The following PTPRF variants were observed in gnomAD, a reference collection of about 807,000 sequenced individuals.
PTPRF encodes the protein protein tyrosine phosphatase receptor type F.
PTPRF carries 59 observed loss-of-function variants against 201.8 expected under a neutral mutation model. The observed-to-expected ratio is 0.29, with a 90% CI of 0.24 to 0.36. The LOEUF (loss-of-function observed/expected upper bound fraction) is 0.36. PTPRF is among the 10% of genes least tolerant of loss of function. PTPRF has a pLI of 1.00. For synonymous variants in PTPRF, 1,088 were observed against 1,089.7 expected (o/e 1.00, Z 0.03); for missense variants, 2,132 against 2,690.5 (o/e 0.79, Z 4.59).
chr1:43,615,550 T>G (rs545737408), intron 23 of PTPRF, among the ~76,000 whole-genome samples: 31 of 121,584 alleles, frequency 2.5e-4, no homozygotes, highest in African/African-American at 7.3e-4. Context: ...AGCTCTGTTG[T>G]CTTTTTTTTT....
At position 43,549,558 on chromosome 1, in the gene PTPRF, T is replaced by C. The variant is rs564081096; in HGVS notation, c.92-3934T>C. ...ATAGTAGGTGCTCAAAAAATACTTG[T>C]TGAAAGAGTAAAGAAGCCGGGTGTG... On this transcript the variant is annotated intron_variant, in intron 3 of 33. Coordinates refer to ENST00000359947, the MANE Select transcript of PTPRF (RefSeq NM_002840.5). 3.0e-4 allele frequency among the ~76,000 whole-genome samples: 46 copies of C among 152,214 alleles called. No homozygotes were observed. The South Asian group carries it at 7.5e-3, about 25-fold the overall frequency.
intron 6 of PTPRF, among the ~76,000 whole-genome samples, chr1:43,577,425 C>G (rs1218792145): frequency 6.6e-6 from 1 of 152,208 alleles, no homozygotes; most frequent in African/African-American, 2.4e-5. Flanking sequence ...AAGAGGCAGG[C>G]TGGTCCTGTG....
At chr1:43,612,106 C>T (rs1434449447) in intron 22 of PTPRF, among the ~76,000 whole-genome samples, 2 of 152,170 alleles carry the variant, frequency 1.3e-5, no homozygotes, top group Non-Finnish European at 2.9e-5. Context: ...AGCAGGAGCG[C>T]AGTGTCCCTG....
At chr1:43,544,773 G>A (rs765402782) in intron 2 of PTPRF, among the ~76,000 whole-genome samples, 8 of 152,132 alleles carry the variant, frequency 5.3e-5, no homozygotes, top group Non-Finnish European at 1.2e-4. Context: ...AGAATGGCCC[G>A]AAGGCCTCCT....
chr1:43,578,104 G>T (rs771762815), intron 6 of PTPRF, among the ~76,000 whole-genome samples: 9 of 152,236 alleles, frequency 5.9e-5, no homozygotes, highest in Non-Finnish European at 1.3e-4. Context: ...TCCGTCTGCG[G>T]CCAGAGCAGC....
intron 6 of PTPRF, among the ~76,000 whole-genome samples, chr1:43,578,067 A>G (rs961191952): frequency 6.6e-6 from 1 of 151,850 alleles, no homozygotes; most frequent in Non-Finnish European, 1.5e-5. Context: ...TCCTTTTGCT[A>G]CCCACCCCGA....
chr1:43,575,435 T>C (rs1016177919), intron 6 of PTPRF, among the ~76,000 whole-genome samples: 1 of 152,180 alleles, frequency 6.6e-6, no homozygotes, highest in African/African-American at 2.4e-5. Flanking sequence ...CCCAGTGTGC[T>C]AGTAGCCCAT....
intron 31 of PTPRF, 118 bp from the exon 32 acceptor site, chr1:43,620,719 TG>T: frequency 6.6e-7 from 1 of 1,520,100 alleles, no homozygotes; most frequent in Non-Finnish European, 8.9e-7. Context: ...TCTCCCCCTG[TG>T]GCCTCGGGTG....
At chr1:43,536,755 G>T (rs548089780) in intron 1 of PTPRF, among the ~76,000 whole-genome samples, 8 of 152,352 alleles carry the variant, frequency 5.3e-5, no homozygotes, top group Middle Eastern at 3.4e-3. Context: ...TCAGCTTGGG[G>T]AGCGGGGAGG....
chr1:43,608,719 A>G (rs921343800), intron 21 of PTPRF, among the ~76,000 whole-genome samples: 1 of 152,228 alleles, frequency 6.6e-6, no homozygotes, highest in African/African-American at 2.4e-5. Context: ...GTGGAACAGC[A>G]GAGAGGCATG....
chr1:43,558,391 GC>G (rs1363317543), intron 5 of PTPRF, among the ~76,000 whole-genome samples: 3 of 152,048 alleles, frequency 2.0e-5, no homozygotes, highest in Non-Finnish European at 4.4e-5. Flanking sequence ...CCGTGGGAGT[GC>G]CCCCCCAAAT....
In PTPRF at chr1:43,606,973, G is replaced by A; in HGVS notation, c.3857+5G>A. The A allele has an allele frequency of 6.2e-7, 1 of 1,613,660 alleles. No homozygotes were observed. The highest frequency in any genetic ancestry group is 8.5e-7 in the Non-Finnish European group (1 of 1,179,892). ...CGCCATCCTCTTGTTCAAAAGGTGA[G>A]CACTGCCCTCAGAGCTCCGGGAACG... On this transcript the variant is annotated splice_donor_5th_base_variant and intron_variant, in intron 21 of 33. Transcript: ENST00000359947.
At chr1:43,600,323 T>G (rs1653434604) in intron 13 of PTPRF, among the ~76,000 whole-genome samples, 2 of 152,158 alleles carry the variant, frequency 1.3e-5, no homozygotes, top group Admixed American at 6.5e-5. Flanking sequence ...AAGTGCCCCC[T>G]TCTGGTCCCA....
In PTPRF at chr1:43,537,609, C is replaced by T. The variant is rs1644104019; in HGVS notation, c.-125-589C>T. Among the ~76,000 whole-genome samples, 1 of 152,220 alleles carries T rather than the reference C, an allele frequency of 6.6e-6. No homozygotes were observed. Among genetic ancestry groups the T allele is most frequent in the Non-Finnish European group, 1.5e-5 (1 of 68,042 alleles). ...ATATAAATAGTCATGTTTGTGGTCACGGCTCCAAGCCAAGGTCCAGGCAGG... is the reference window on the plus strand; with the variant it reads ...ATATAAATAGTCATGTTTGTGGTCATGGCTCCAAGCCAAGGTCCAGGCAGG... On this transcript the variant is annotated intron_variant, in intron 1 of 33. Coordinates refer to ENST00000359947, the MANE Select transcript of PTPRF (RefSeq NM_002840.5). This position sits in a 1 kb window ranked among gnomAD's most constrained non-coding sequence, Gnocchi z 4.8.
upstream of PTPRF, among the ~76,000 whole-genome samples, chr1:43,524,050 CAAAAAAAAA>C (rs57088994): frequency 5.0e-5 from 4 of 80,668 alleles, no homozygotes; most frequent in Admixed American, 1.7e-4. Context: ...GAGACTCTGT[CAAAAAAAAA>C]AAAAAAAAAA....
intron 23 of PTPRF, among the ~76,000 whole-genome samples, chr1:43,615,715 C>T (rs753919098): frequency 3.3e-5 from 5 of 151,792 alleles, no homozygotes; most frequent in East Asian, 3.9e-4. Context: ...TACAGGTGCC[C>T]GCTACCACAC....
intron 7 of PTPRF, among the ~76,000 whole-genome samples, chr1:43,582,897 G>A (rs968111748): frequency 3.9e-5 from 6 of 152,230 alleles, no homozygotes; most frequent in Non-Finnish European, 7.3e-5. Context: ...TGAGTGATGT[G>A]GTTCGTGTGC....
At position 43,622,862 on chromosome 1, in the gene PTPRF, A is replaced by C. The variant is rs1659473278; in HGVS notation, c.*859A>C. 6.6e-6 allele frequency: 1 copy of C among 152,602 alleles called. No individual in the cohort carries two copies. The allele number at this position is 152,602 out of a possible 1,614,324, so 9.5% of individuals were successfully genotyped here. ...AAGGTTAAAACAAAAACAAAAAACC[A>C]CAAAAATAAAAAACAAAAAAAACAA... On this transcript the variant is annotated 3_prime_UTR_variant, in exon 34 of 34. Transcript: ENST00000359947.
Position 43,591,060 on chromosome 1 carries a change from T to C in PTPRF, c.1038T>C (p.Pro346=), listed in dbSNP as rs1365055476. 3 of 1,614,022 alleles carry C rather than the reference T, an allele frequency of 1.9e-6. No homozygotes were observed. Among genetic ancestry groups the C allele is most frequent in the African/African-American group, 2.7e-5 (2 of 75,080 alleles). ...TLTWDSGNSE[P]VTYYGIQYRA... is the part of the protein sequence containing the mutation. ...CCTGGGACTCTGGGAACTCGGAGCCTGTAACCTACTATGGCATCCAGTACC... is the reference window on the plus strand; with the variant it reads ...CCTGGGACTCTGGGAACTCGGAGCCCGTAACCTACTATGGCATCCAGTACC... The change falls in exon 9 of 34, where the codon CCT becomes CCC. Residue 346 remains proline, a synonymous_variant. Coordinates refer to ENST00000359947, the MANE Select transcript of PTPRF (RefSeq NM_002840.5).
Sources: allele counts gnomAD v4.1 joint callset (sites outside exome capture counted in the v4.1 genomes callset), GRCh38; gene constraint gnomAD v4.1.1; non-coding constraint Gnocchi (gnomAD v3.1); transcripts MANE v1.5; gene names NCBI Gene and HGNC (gene_info 2026-07-23, HGNC 2026-07-21).